NRG4: variants seen among roughly 807,000 people sequenced by gnomAD.
NRG4 encodes the protein pro-neuregulin-4, membrane-bound isoform.
A neutral mutation model predicts 15.0 loss-of-function variants in NRG4; 10 were observed. The ratio of observed to expected loss-of-function variants is 0.67; its 90% CI spans 0.41 to 1.13. The LOEUF (loss-of-function observed/expected upper bound fraction) is 1.13. NRG4 is among the 50% of genes most tolerant of loss of function. The pLI is 0.00. For missense variants in NRG4, 139 were observed against 140.2 expected, an observed-to-expected ratio of 0.99 and a Z score of 0.04; for synonymous variants, 41 against 50.1, an observed-to-expected ratio of 0.82 and a Z score of 0.77.
intron 3 of NRG4, among the ~76,000 whole-genome samples, chr15:75,964,981 T>C (rs2032726183): frequency 1.3e-5 from 2 of 151,582 alleles, no homozygotes. Context: ...ATCCCAGCAG[T>C]TTGGGAGGCC....
chr15:76,010,100 C>T (rs1238412158), intron 2 of NRG4, among the ~76,000 whole-genome samples: 2 of 151,946 alleles, frequency 1.3e-5, no homozygotes, highest in African/African-American at 4.8e-5. Flanking sequence ...AGCCTCACCC[C>T]CAAGACCTTT....
chr15:75,955,933 G>A lies in NRG4; in HGVS notation c.330C>T (p.His110=), dbSNP rs777672392. The A allele has an allele frequency of 1.3e-5, 21 of 1,573,024 alleles. No individual in the cohort carries two copies. Among genetic ancestry groups the A allele is most frequent in the Non-Finnish European group, 1.8e-5 (21 of 1,142,812 alleles). The part of the protein sequence containing the change: ...LVETSSTSAH[H]SHEQH ...AGCATTTGTTTTGAGTTTACTCACT[G>A]TGGTGGGCACTGGTACTGCTCGTCT... is the stretch of plus-strand genomic sequence containing the variant. The change falls in exon 5 of 6, where the codon CAC becomes CAT. Residue 110 remains histidine, a splice_region_variant and synonymous_variant. Transcript: ENST00000394907.
At chr15:76,029,438 C>A (rs954249455) in intron 5 of NRG4, among the ~76,000 whole-genome samples, 1 of 152,070 alleles carries the variant, frequency 6.6e-6, no homozygotes, top group Non-Finnish European at 1.5e-5. Flanking sequence ...AGCAATTAGA[C>A]AAGAGAAAGA....
At chr15:75,987,304 G>A (rs1420007244) in intron 3 of NRG4, among the ~76,000 whole-genome samples, 2 of 152,160 alleles carry the variant, frequency 1.3e-5, no homozygotes, top group African/African-American at 4.8e-5. Context: ...AGAGCAAGGG[G>A]TTTTCACAAT....
intron 2 of NRG4, among the ~76,000 whole-genome samples, chr15:76,010,817 T>C (rs185786728): frequency 1.0e-3 from 153 of 152,236 alleles, no homozygotes; most frequent in African/African-American, 3.5e-3. Context: ...CTAAGATTAG[T>C]GTCCTTGTTT....
At chr15:75,976,548 A>T (rs1490416204) in intron 3 of NRG4, among the ~76,000 whole-genome samples, 1 of 151,870 alleles carries the variant, frequency 6.6e-6, no homozygotes, top group African/African-American at 2.4e-5. Flanking sequence ...TGTTGATGCT[A>T]TTCCTTTCTG....
chr15:75,996,175 C>T (rs1003383029), intron 3 of NRG4, among the ~76,000 whole-genome samples: 3 of 152,096 alleles, frequency 2.0e-5, no homozygotes, highest in East Asian at 1.9e-4. Flanking sequence ...AACGAGGCCA[C>T]GTCTCAATAA....
chr15:76,033,843 C>T (rs958037488), intron 5 of NRG4, among the ~76,000 whole-genome samples: 25 of 152,156 alleles, frequency 1.6e-4, no homozygotes, highest in African/African-American at 6.0e-4. Context: ...CCGTGAAGTC[C>T]CCCAGCAGAC....
intron 5 of NRG4, among the ~76,000 whole-genome samples, chr15:76,028,901 T>A (rs1292574505): frequency 5.7e-4 from 35 of 60,898 alleles, no homozygotes; most frequent in African/African-American, 2.4e-3. Context: ...AGACTCCTCC[T>A]CCAAAAAAAA....
chr15:75,951,470 C>T (rs1010351623), intron 5 of NRG4, among the ~76,000 whole-genome samples: 1 of 152,092 alleles, frequency 6.6e-6, no homozygotes, highest in African/African-American at 2.4e-5. Flanking sequence ...CACACCTGCA[C>T]CAGCATGACA....
At chr15:76,050,949 G>GT (rs1378203642) in intron 4 of NRG4, among the ~76,000 whole-genome samples, 5 of 149,658 alleles carry the variant, frequency 3.3e-5, no homozygotes, top group Non-Finnish European at 7.4e-5. Flanking sequence ...AGGACCACAG[G>GT]TGTGTGCCAC....
rs974766763 is a variant in NRG4, at chr15:76,045,691, G to A, written c.-105+6376C>T. Among the ~76,000 whole-genome samples, 11 of 150,732 alleles carry A rather than the reference G, an allele frequency of 7.3e-5. 1 individual carries two copies. Among genetic ancestry groups the A allele is most frequent in the African/African-American group, 2.7e-4 (11 of 40,358 alleles). On this transcript the variant is annotated intron_variant, in intron 4 of 8. Transcript: ENST00000563910. Reference sequence around the variant, plus strand: ...AGCCAGGCACAGAAAAACAAACTTCGCATCTTCTCACTTATTTGTGGGAGC... The same window carrying A: ...AGCCAGGCACAGAAAAACAAACTTCACATCTTCTCACTTATTTGTGGGAGC...
chr15:75,943,707 C>A, intron 5 of NRG4, 53 bp from the exon 6 acceptor site: 1 of 1,096,460 alleles, frequency 9.1e-7, no homozygotes, highest in Non-Finnish European at 1.4e-6. Context: ...ATGTTTCTTA[C>A]TACGCACACC....
intron 3 of NRG4, among the ~76,000 whole-genome samples, chr15:75,969,616 C>T (rs918322469): frequency 6.6e-6 from 1 of 152,150 alleles, no homozygotes; most frequent in African/African-American, 2.4e-5. Context: ...GGTACGTTCC[C>T]ATAGTTTCAT....
intron 2 of NRG4, chr15:76,056,883 A>C (rs909747233): frequency 5.3e-5 from 8 of 152,204 alleles, no homozygotes; most frequent in African/African-American, 1.9e-4. Flanking sequence ...TACATGTACA[A>C]ATTTTCCATT....
intron 5 of NRG4, among the ~76,000 whole-genome samples, chr15:75,953,146 G>C (rs1254645164): frequency 2.0e-5 from 3 of 152,080 alleles, no homozygotes; most frequent in Non-Finnish European, 4.4e-5. Flanking sequence ...GAGTTATATG[G>C]TTTTAGCTCT....
intron 5 of NRG4, among the ~76,000 whole-genome samples, chr15:76,019,316 C>G (rs1238710153): frequency 6.6e-6 from 1 of 152,094 alleles, no homozygotes; most frequent in African/African-American, 2.4e-5. Context: ...TCCCTGGCTT[C>G]AGCCCCCTTT....
chr15:76,001,304 T>C (rs1423020974), intron 3 of NRG4, among the ~76,000 whole-genome samples: 1 of 152,106 alleles, frequency 6.6e-6, no homozygotes, highest in African/African-American at 2.4e-5. Flanking sequence ...GCCCCAATTT[T>C]TGTAGCCACA....
At chr15:76,039,868 C>T (rs926855038) in intron 4 of NRG4, among the ~76,000 whole-genome samples, 11 of 151,958 alleles carry the variant, frequency 7.2e-5, no homozygotes, top group African/African-American at 1.9e-4. Flanking sequence ...GCCAACATGG[C>T]GAAACCCTGT....
Sources: gnomAD v4.1 joint callset for allele counts (sites outside exome capture counted in the v4.1 genomes callset) on GRCh38, gnomAD v4.1.1 for gene constraint, MANE v1.5 for transcripts, NCBI Gene and HGNC (gene_info 2026-07-23, HGNC 2026-07-21) for gene names.